BCAS1: variants seen among roughly 807,000 people sequenced by gnomAD.
BCAS1 encodes the protein breast carcinoma-amplified sequence 1.
Under a neutral mutation model 65.4 loss-of-function variants are expected in BCAS1, and 46 were observed. The ratio of observed to expected loss-of-function variants is 0.70; its 90% CI spans 0.55 to 0.90. The LOEUF (loss-of-function observed/expected upper bound fraction) is 0.90. Among genes scored for constraint, BCAS1 ranks in the 40% least tolerant of loss-of-function variants. BCAS1 has a pLI of 0.00. For synonymous variants in BCAS1, 298 were observed against 293.5 expected (o/e 1.02, Z -0.16); for missense variants, 793 against 771.2 (o/e 1.03, Z -0.33).
Position 54,028,961 on chromosome 20 carries a change from T to C in BCAS1, c.154A>G (p.Ile52Val), listed in dbSNP as rs759096608. ...GCCACATTATCCGTCTTGACACTTA[T>C]TCCCAAGTCGACTGTAAACACAAAC... is the stretch of plus-strand genomic sequence containing the variant. The part of the protein sequence containing the change: ...VQHLEEVDLG[I>V]SVKTDNVATS... Residue 52 changes from isoleucine to valine, a missense_variant, in exon 4 of 13, where the codon ATA becomes GTA. Physicochemically the swap from Ile to Val is conservative, Grantham distance 29 (BLOSUM62 3). Transcript: ENST00000688948. 1.6e-5 allele frequency: 25 copies of C among 1,607,694 alleles called. No individual in the cohort carries two copies. Among genetic ancestry groups the C allele is most frequent in the Admixed American group, 3.4e-5 (2 of 59,182 alleles).
chr20:54,045,210 CAAAAA>C (rs11086447), intron 3 of BCAS1, among the ~76,000 whole-genome samples: 79 of 136,202 alleles, frequency 5.8e-4, no homozygotes, highest in African/African-American at 1.9e-3. Flanking sequence ...GACCTCATCT[CAAAAA>C]AAAAAAAAAA....
chr20:53,954,915 T>C (rs184803160), intron 11 of BCAS1, among the ~76,000 whole-genome samples: 1 of 152,362 alleles, frequency 6.6e-6, no homozygotes, highest in African/African-American at 2.4e-5. Flanking sequence ...AGAGCTTCTG[T>C]TGTTTCAAGA....
At chr20:53,986,335 G>A (rs890638694) in intron 7 of BCAS1, among the ~76,000 whole-genome samples, 2 of 152,124 alleles carry the variant, frequency 1.3e-5, no homozygotes, top group Admixed American at 1.3e-4. Context: ...CAGCAAGGGG[G>A]TGTTAATTTC....
intron 4 of BCAS1, among the ~76,000 whole-genome samples, chr20:54,010,356 C>G (rs2091292687): frequency 6.6e-6 from 1 of 152,036 alleles, no homozygotes; most frequent in Non-Finnish European, 1.5e-5. Context: ...CCCAAGGAAT[C>G]AACAGAATAA....
At chr20:54,067,403 G>A (rs1432684503) in intron 1 of BCAS1, among the ~76,000 whole-genome samples, 1 of 152,192 alleles carries the variant, frequency 6.6e-6, no homozygotes, top group African/African-American at 2.4e-5. Context: ...CAAATAAAGT[G>A]AGGATTGAAC....
intron 3 of BCAS1, among the ~76,000 whole-genome samples, chr20:54,055,463 G>T (rs1050189653): frequency 6.6e-6 from 1 of 152,100 alleles, no homozygotes. Context: ...AAAACCATCA[G>T]ATCTCATGAG....
intron 3 of BCAS1, among the ~76,000 whole-genome samples, chr20:54,054,236 G>C (rs1318986624): frequency 1.3e-5 from 2 of 152,116 alleles, no homozygotes; most frequent in African/African-American, 4.8e-5. Context: ...GATGAGATTT[G>C]GGTGGGGACA....
At chr20:54,023,007 C>T (rs1277878724) in intron 4 of BCAS1, among the ~76,000 whole-genome samples, 1 of 152,220 alleles carries the variant, frequency 6.6e-6, no homozygotes, top group African/African-American at 2.4e-5. Flanking sequence ...TTTGCACTGA[C>T]AAAGTCTTTT....
rs769569857 is a variant in BCAS1, at chr20:53,995,884, C to G, written c.882+8G>C. 1.3e-6 allele frequency: 2 copies of G among 1,588,730 alleles called. No individual in the cohort carries two copies. The highest frequency in any genetic ancestry group is 3.6e-5 in the Admixed American group (2 of 55,702). Reference sequence around the variant, plus strand: ...GAGTGGAGGGGAAAAGAGGAGAAAACTGCTTACCAGAGTTTTAAAGAAACT... The same window carrying G: ...GAGTGGAGGGGAAAAGAGGAGAAAAGTGCTTACCAGAGTTTTAAAGAAACT... On this transcript the variant is annotated splice_region_variant and intron_variant, in intron 5 of 12. Coordinates refer to ENST00000688948, the MANE Select transcript of BCAS1 (RefSeq NM_001366298.2).
chr20:53,957,281 AC>A (rs2145548957), intron 11 of BCAS1, 150 bp downstream of exon 11: 2 of 685,992 alleles, frequency 2.9e-6, no homozygotes, highest in East Asian at 5.4e-5. Context: ...GTGTCTGCAG[AC>A]CCCAACATAG....
At chr20:54,039,808 A>C (rs981420968) in intron 3 of BCAS1, among the ~76,000 whole-genome samples, 1 of 151,386 alleles carries the variant, frequency 6.6e-6, no homozygotes, top group Non-Finnish European at 1.5e-5. Context: ...CAGATAAATA[A>C]CATCTGCAAC....
intron 4 of BCAS1, among the ~76,000 whole-genome samples, chr20:54,014,544 A>T (rs1175610822): frequency 6.6e-6 from 1 of 152,212 alleles, no homozygotes; most frequent in East Asian, 1.9e-4. Context: ...GTCTGGAATG[A>T]TCTGTGATGC....
At chr20:54,048,716 A>G (rs1287240898) in intron 3 of BCAS1, among the ~76,000 whole-genome samples, 1 of 152,184 alleles carries the variant, frequency 6.6e-6, no homozygotes, top group African/African-American at 2.4e-5. Flanking sequence ...TAAAAGTGCT[A>G]TTTACTTATC....
intron 4 of BCAS1, among the ~76,000 whole-genome samples, chr20:54,010,198 T>G (rs2091289415): frequency 6.6e-6 from 1 of 152,196 alleles, no homozygotes; most frequent in African/African-American, 2.4e-5. Flanking sequence ...TCTCATTATT[T>G]GTATTCTACA....
chr20:53,957,881 T>G (rs1054301034), intron 10 of BCAS1, among the ~76,000 whole-genome samples: 1 of 142,594 alleles, frequency 7.0e-6, no homozygotes, highest in African/African-American at 2.6e-5. Flanking sequence ...GGGTGTTTTA[T>G]TGTTTTTTTT....
At chr20:53,982,564 A>G (rs2145755183) in intron 8 of BCAS1, among the ~76,000 whole-genome samples, 2 of 152,318 alleles carry the variant, frequency 1.3e-5, no homozygotes, top group South Asian at 4.1e-4. Context: ...ACTAAAAATG[A>G]GAGAAGAAAG....
rs116534683 is a variant in BCAS1 at position 54,014,582 on chromosome 20, T to C, written c.723+13810A>G. ...CTACTCCATCTAGATTTCCTCATTG[T>C]GTAGCACTGATTTTACTCTTAGTCT... On this transcript the variant is annotated intron_variant, in intron 4 of 12. Transcript: ENST00000688948. 3.0e-3 allele frequency among the ~76,000 whole-genome samples: 451 copies of C among 152,356 alleles called. 2 individuals carry two copies. The highest frequency in any genetic ancestry group is 0.01 in the African/African-American group (433 of 41,580).
chr20:53,986,226 T>C (rs1167773669), intron 7 of BCAS1, among the ~76,000 whole-genome samples: 2 of 152,152 alleles, frequency 1.3e-5, no homozygotes, highest in Non-Finnish European at 2.9e-5. Context: ...CTTCCCTCTG[T>C]CTTTTTCTCT....
At chr20:54,010,266 C>T (rs1481074742) in intron 4 of BCAS1, among the ~76,000 whole-genome samples, 2 of 152,130 alleles carry the variant, frequency 1.3e-5, no homozygotes, top group African/African-American at 4.8e-5. Flanking sequence ...AGGGAATACA[C>T]ATTGAAAAGG....
Sources: allele counts gnomAD v4.1 joint callset (sites outside exome capture counted in the v4.1 genomes callset), GRCh38; gene constraint gnomAD v4.1.1; transcripts MANE v1.5; gene names NCBI Gene and HGNC (gene_info 2026-07-23, HGNC 2026-07-21).